PIAS1: variants seen among roughly 807,000 people sequenced by gnomAD.
PIAS1 encodes E3 SUMO-protein ligase PIAS1.
A neutral mutation model predicts 71.3 loss-of-function variants in PIAS1; 6 were observed. That is an observed-to-expected ratio of 0.08 (90% CI 0.05 to 0.17). The LOEUF is 0.17. Among genes scored for constraint, PIAS1 ranks in the 10% least tolerant of loss-of-function variants. The pLI, the probability that PIAS1 is intolerant of heterozygous loss-of-function variation, is 1.00. For missense variants in PIAS1, 555 were observed against 793.6 expected, an observed-to-expected ratio of 0.70 and a Z score of 3.61; for synonymous variants, 303 against 292.9, an observed-to-expected ratio of 1.03 and a Z score of -0.35.
At chr15:68,163,910 G>GT (rs2092940515) in intron 7 of PIAS1, among the ~76,000 whole-genome samples, 1 of 152,108 alleles carries the variant, frequency 6.6e-6, no homozygotes, top group Non-Finnish European at 1.5e-5. Context: ...CCCCTATAAT[G>GT]TTTTTTCTTG....
intron 2 of PIAS1, among the ~76,000 whole-genome samples, chr15:68,094,221 G>T (rs2092355731): frequency 6.6e-6 from 1 of 151,362 alleles, no homozygotes; most frequent in African/African-American, 2.4e-5. Context: ...TTCTGGAGAA[G>T]ACCGGCAACC....
At chr15:68,163,807 TTAC>T (rs1366616221) in intron 7 of PIAS1, among the ~76,000 whole-genome samples, 1 of 152,214 alleles carries the variant, frequency 6.6e-6, no homozygotes, top group Non-Finnish European at 1.5e-5. Context: ...GCTACCCAAC[TTAC>T]GGCCCCTTTG....
rs1242279618 is a variant in PIAS1 at position 68,106,830 on chromosome 15, T to TGTTCC, written c.469+20081_469+20085dup. 3.3e-5 allele frequency among the ~76,000 whole-genome samples: 5 copies of TGTTCC among 152,328 alleles called. No individual in the cohort carries two copies. In the East Asian group the frequency reaches 9.6e-4, roughly 29 times the overall value. On this transcript the variant is annotated intron_variant, in intron 2 of 13. Coordinates refer to ENST00000249636, the MANE Select transcript of PIAS1 (RefSeq NM_016166.3). ...TGAAATTCTTAATCGATTACAATAG[T>TGTTCC]GTTCCATACTTAAATACAGCACAGC...
rs183386950 is a variant in PIAS1, at chr15:68,087,890, C to T, written c.469+1140C>T. On this transcript the variant is annotated intron_variant, in intron 2 of 13. Coordinates refer to ENST00000249636, the MANE Select transcript of PIAS1 (RefSeq NM_016166.3). Reference sequence around the variant, plus strand: ...GATTATAGGAGTCATTTTCAAACAACGTGAGTTTTGTATCACATTATTTTA... The same window carrying T: ...GATTATAGGAGTCATTTTCAAACAATGTGAGTTTTGTATCACATTATTTTA... 4.6e-3 allele frequency: 1,422 copies of T among 310,030 alleles called. 4 individuals carry two copies. The highest frequency in any genetic ancestry group is 7.0e-3 in the Non-Finnish European group (1,046 of 149,074). 19.2% of individuals were successfully genotyped at this position (310,030 alleles called of 1,614,324 possible).
chr15:68,106,658 G>T (rs1393039759), intron 2 of PIAS1, among the ~76,000 whole-genome samples: 1 of 151,640 alleles, frequency 6.6e-6, no homozygotes, highest in African/African-American at 2.4e-5. Context: ...CCTCAGGTCT[G>T]TAGACATGCC....
At chr15:68,124,743 C>T (rs566888839) in intron 2 of PIAS1, among the ~76,000 whole-genome samples, 6 of 148,680 alleles carry the variant, frequency 4.0e-5, no homozygotes, top group Non-Finnish European at 9.1e-5. Flanking sequence ...AACAAATAAA[C>T]AAAACCCAAA....
intron 2 of PIAS1, among the ~76,000 whole-genome samples, chr15:68,115,268 A>G (rs1344227469): frequency 7.9e-5 from 12 of 152,092 alleles, no homozygotes; most frequent in Admixed American, 6.6e-4. Flanking sequence ...TTGTGGGACT[A>G]TATGGTAAGA....
chr15:68,158,797 T>C (rs540598989), intron 7 of PIAS1, among the ~76,000 whole-genome samples: 2 of 152,236 alleles, frequency 1.3e-5, no homozygotes, highest in Admixed American at 1.3e-4. Flanking sequence ...AGGATAGAAA[T>C]TATCTTGAAA....
rs1407894214 is a variant in PIAS1, at chr15:68,135,670, T to C, written c.470-6276T>C. On this transcript the variant is annotated intron_variant, in intron 2 of 13. Transcript: ENST00000249636. The stretch of plus-strand genomic sequence containing the variant: ...ACGGGGTGGCTGGCCTGGCGGGGGC[T>C]GACCCCCACCTCCCTCCCGGACGGG... Among the ~76,000 whole-genome samples, 201 of 64,920 alleles carry C rather than the reference T, an allele frequency of 3.1e-3. 5 individuals carry two copies. The highest frequency in any genetic ancestry group is 7.9e-3 in the African/African-American group (194 of 24,710). 42.6% of individuals were successfully genotyped at this position (64,920 alleles called of 152,430 possible). A position where few individuals can be genotyped will look rare whatever the true frequency, so the allele number is the denominator to read the frequency against.
chr15:68,087,065 A>G (rs1431066626), intron 2 of PIAS1, among the ~76,000 whole-genome samples: 1 of 152,242 alleles, frequency 6.6e-6, no homozygotes, highest in African/African-American at 2.4e-5. Context: ...AAACCAAATG[A>G]ATCACTACAA....
At chr15:68,131,057 A>G (rs1408928369) in intron 2 of PIAS1, among the ~76,000 whole-genome samples, 1 of 152,186 alleles carries the variant, frequency 6.6e-6, no homozygotes, top group African/African-American at 2.4e-5. Context: ...AGGTCACACA[A>G]TTACTGAATG....
In PIAS1 at chr15:68,072,919, T is replaced by A. The variant is rs186736670; in HGVS notation, c.25-13387T>A. ...TGCCCTTAAAACTAAAAAATTATTG[T>A]TTGAACACTAGTTGCTGAGTTTGGA... On this transcript the variant is annotated intron_variant, in intron 1 of 13. Transcript: ENST00000249636. 9.2e-5 allele frequency among the ~76,000 whole-genome samples: 14 copies of A among 152,358 alleles called. No individual in the cohort carries two copies. The East Asian group carries it at 1.9e-3, about 21-fold the overall frequency.
Position 68,187,956 on chromosome 15 carries a change from CCT to C in PIAS1, c.*122_*123del. ...AAAAGTATACAAGCGTGTTTTTTTT[CCT>C]TTTTTTAGGGAAAAAATTAAAAGAA... is the stretch of plus-strand genomic sequence containing the variant. On this transcript the variant is annotated 3_prime_UTR_variant, in exon 14 of 14. Coordinates refer to ENST00000249636, the MANE Select transcript of PIAS1 (RefSeq NM_016166.3). This position sits in a 1 kb window ranked among gnomAD's most constrained non-coding sequence, Gnocchi z 5.3. 1.1e-6 allele frequency: 1 copy of C among 905,780 alleles called. No individual in the cohort carries two copies. Among genetic ancestry groups the C allele is most frequent in the Non-Finnish European group, 1.6e-6 (1 of 615,578 alleles). 56.1% of individuals were successfully genotyped at this position (905,780 alleles called of 1,614,324 possible). A position where few individuals can be genotyped will look rare whatever the true frequency, so the allele number is the denominator to read the frequency against.
In PIAS1 at chr15:68,174,793, G is replaced by A. The variant is rs938588819; in HGVS notation, c.1170-844G>A. Among the ~76,000 whole-genome samples, 1 of 152,128 alleles carries A rather than the reference G, an allele frequency of 6.6e-6. No individual in the cohort carries two copies. The highest frequency in any genetic ancestry group is 2.4e-5 in the African/African-American group (1 of 41,430). The stretch of plus-strand genomic sequence containing the variant: ...AAATTAAGTATATTTAGCAATACAA[G>A]TATAACCTGGAGCTTGAAAGATGTC... On this transcript the variant is annotated intron_variant, in intron 9 of 13. Coordinates refer to ENST00000249636, the MANE Select transcript of PIAS1 (RefSeq NM_016166.3). This position sits in a 1 kb window ranked among gnomAD's most constrained non-coding sequence, Gnocchi z 4.0.
intron 2 of PIAS1, among the ~76,000 whole-genome samples, chr15:68,088,277 A>G (rs1371143095): frequency 2.7e-5 from 4 of 149,106 alleles, no homozygotes; most frequent in African/African-American, 9.9e-5. Flanking sequence ...ATGTATGTGT[A>G]CATATGTGTT....
chr15:68,137,295 G>A (rs933209295), intron 2 of PIAS1, among the ~76,000 whole-genome samples: 2 of 152,038 alleles, frequency 1.3e-5, no homozygotes, highest in African/African-American at 4.8e-5. Context: ...CTAATCAGGG[G>A]AGTAATTAAA....
At chr15:68,110,686 T>A (rs190559016) in intron 2 of PIAS1, among the ~76,000 whole-genome samples, 1 of 151,726 alleles carries the variant, frequency 6.6e-6, no homozygotes, top group Non-Finnish European at 1.5e-5. Flanking sequence ...CACTTGAGCC[T>A]GGGGAGATCA....
intron 2 of PIAS1, among the ~76,000 whole-genome samples, chr15:68,100,749 CTG>C (rs929427471): frequency 3.3e-5 from 5 of 152,146 alleles, no homozygotes; most frequent in South Asian, 2.1e-4. Context: ...TCCAGACTGA[CTG>C]TATCATTTTA....
At chr15:68,055,413 C>T (rs1244482509) in intron 1 of PIAS1, among the ~76,000 whole-genome samples, 3 of 152,102 alleles carry the variant, frequency 2.0e-5, no homozygotes, top group South Asian at 2.1e-4. Context: ...GCCCCCTTTT[C>T]CCCGCTTTTC....
Sources: gnomAD v4.1 joint callset for allele counts (sites outside exome capture counted in the v4.1 genomes callset) on GRCh38, gnomAD v4.1.1 for gene constraint, Gnocchi (gnomAD v3.1) non-coding constraint, MANE v1.5 for transcripts, NCBI Gene and HGNC (gene_info 2026-07-23, HGNC 2026-07-21) for gene names.